The following ERBB4 variants were observed in gnomAD, a reference collection of about 807,000 sequenced individuals.
The protein encoded by ERBB4 is receptor tyrosine-protein kinase erbB-4.
In ERBB4, 42 loss-of-function variants were observed where a neutral mutation model predicts 158.0. That is an observed-to-expected ratio of 0.27 (90% confidence interval 0.21 to 0.34). The LOEUF (loss-of-function observed/expected upper bound fraction) is 0.34, where lower values mean the gene tolerates loss of function less well. Among genes scored for constraint, ERBB4 ranks in the 10% least tolerant of loss-of-function variants. The pLI, the probability that ERBB4 is intolerant of heterozygous loss-of-function variation, is 1.00. For synonymous variants in ERBB4, 583 were observed against 558.7 expected (o/e 1.04, Z -0.61); for missense variants, 1,333 against 1,624.1 (o/e 0.82, Z 3.08).
intron 1 of ERBB4, among the ~76,000 whole-genome samples, chr2:212,276,784 G>A (rs1393601622): frequency 6.6e-6 from 1 of 151,666 alleles, no homozygotes; most frequent in Non-Finnish European, 1.5e-5. Flanking sequence ...AGGCACTTTA[G>A]CCCTAAATTT....
intron 3 of ERBB4, among the ~76,000 whole-genome samples, chr2:211,894,330 A>G (rs1452754306): frequency 6.7e-6 from 1 of 148,424 alleles, no homozygotes; most frequent in Non-Finnish European, 1.5e-5. Flanking sequence ...CAAACACGGC[A>G]TATTCTCACT....
chr2:212,018,766 T>G (rs1232818584), intron 2 of ERBB4, among the ~76,000 whole-genome samples: 1 of 152,186 alleles, frequency 6.6e-6, no homozygotes, highest in Admixed American at 6.6e-5. Flanking sequence ...ATTTTCCTCC[T>G]GATTTTCAGT....
chr2:212,396,954 ATTG>A (rs2091045666), intron 1 of ERBB4, among the ~76,000 whole-genome samples: 2 of 152,136 alleles, frequency 1.3e-5, no homozygotes, highest in South Asian at 4.1e-4. Context: ...GTATAATCTG[ATTG>A]TTTTCAAAGA....
chr2:211,392,056 A>G (rs2062809535), intron 25 of ERBB4, among the ~76,000 whole-genome samples: 1 of 152,152 alleles, frequency 6.6e-6, no homozygotes. Context: ...GACGTTGCTA[A>G]TCCATCAGCA....
At chr2:212,181,519 TTAC>T (rs2081863602) in intron 1 of ERBB4, among the ~76,000 whole-genome samples, 1 of 151,708 alleles carries the variant, frequency 6.6e-6, no homozygotes. Context: ...ACAACACATA[TTAC>T]TAATAATCAT....
chr2:211,456,639 T>C (rs1290690179), intron 20 of ERBB4, among the ~76,000 whole-genome samples: 2 of 152,162 alleles, frequency 1.3e-5, no homozygotes, highest in African/African-American at 4.8e-5. Context: ...CCCAACATTT[T>C]AGGATCCAGG....
chr2:212,009,731 C>T (rs2076339754), intron 2 of ERBB4, among the ~76,000 whole-genome samples: 1 of 152,118 alleles, frequency 6.6e-6, no homozygotes, highest in Non-Finnish European at 1.5e-5. Context: ...TCATTCCTCC[C>T]AATCTTTCAT....
intron 1 of ERBB4, among the ~76,000 whole-genome samples, chr2:212,378,486 A>G (rs2106405265): frequency 6.6e-6 from 1 of 151,996 alleles, no homozygotes; most frequent in African/African-American, 2.4e-5. Flanking sequence ...ATAGTCTTCC[A>G]TTGGCCTTTT....
chr2:211,705,756 A>C (rs891919160), intron 9 of ERBB4, among the ~76,000 whole-genome samples: 1 of 152,228 alleles, frequency 6.6e-6, no homozygotes, highest in African/African-American at 2.4e-5. Context: ...AATACATTAT[A>C]TTATAGTGAG....
At chr2:211,811,192 C>T (rs553014283) in intron 3 of ERBB4, among the ~76,000 whole-genome samples, 1 of 152,210 alleles carries the variant, frequency 6.6e-6, no homozygotes, top group Admixed American at 6.5e-5. Context: ...TTCAGGAGCT[C>T]TTGTAAGACA....
At chr2:211,447,443 G>A (rs533898610) in intron 20 of ERBB4, among the ~76,000 whole-genome samples, 9 of 152,040 alleles carry the variant, frequency 5.9e-5, no homozygotes, top group South Asian at 2.1e-4. Flanking sequence ...ACAATCTTAC[G>A]CAAAGATATG....
intron 17 of ERBB4, among the ~76,000 whole-genome samples, chr2:211,626,219 G>A (rs968363632): frequency 6.6e-6 from 1 of 152,300 alleles, no homozygotes; most frequent in East Asian, 1.9e-4. Flanking sequence ...TTCAAGGGAT[G>A]AGATCATGTC....
At chr2:212,376,139 C>A (rs1192337757) in intron 1 of ERBB4, among the ~76,000 whole-genome samples, 1 of 152,082 alleles carries the variant, frequency 6.6e-6, no homozygotes, top group Non-Finnish European at 1.5e-5. Context: ...TAAAGTGGAG[C>A]AACTTTCCAC....
chr2:212,419,075 TCTTA>T (rs112757064), intron 1 of ERBB4, among the ~76,000 whole-genome samples: 3,595 of 151,834 alleles, frequency 0.024, 101 homozygotes, highest in South Asian at 0.051. Flanking sequence ...TTTGCTAACT[TCTTA>T]CTATGTATAC....
At chr2:212,166,961 A>C (rs1044844625) in intron 1 of ERBB4, among the ~76,000 whole-genome samples, 6 of 152,206 alleles carry the variant, frequency 3.9e-5, no homozygotes, top group Non-Finnish European at 7.3e-5. Flanking sequence ...TTGAAGACTT[A>C]AATGTAAAAC....
At chr2:211,666,017 A>G (rs1490214497) in intron 14 of ERBB4, among the ~76,000 whole-genome samples, 1 of 152,220 alleles carries the variant, frequency 6.6e-6, no homozygotes, top group Non-Finnish European at 1.5e-5. Context: ...ATTTCATATA[A>G]GAGTAGGATG....
intron 1 of ERBB4, among the ~76,000 whole-genome samples, chr2:212,190,550 A>AAGAAG (rs1553587260): frequency 3.1e-4 from 46 of 146,918 alleles, no homozygotes; most frequent in Non-Finnish European, 5.5e-4. Context: ...AAAAAAAAAA[A>AAGAAG]AAGAAGAAGA....
At position 211,773,639 on chromosome 2, in the gene ERBB4, TATATATATA is replaced by T. The variant is rs1559506445; in HGVS notation, c.556+14377_556+14385del. ...ATATATATATATATATATATATATATATATATATAATATATATACACACACACACACTTC... is the reference window on the plus strand; with the variant it reads ...ATATATATATATATATATATATATATATATATATACACACACACACACTTC... On this transcript the variant is annotated intron_variant, in intron 4 of 27. Transcript: ENST00000342788. Among the ~76,000 whole-genome samples, 755 of 86,824 alleles carry T rather than the reference TATATATATA, an allele frequency of 8.7e-3. 21 individuals carry two copies. Among genetic ancestry groups the T allele is most frequent in the East Asian group, 0.025 (47 of 1,888 alleles). 57.0% of individuals were successfully genotyped at this position (86,824 alleles called of 152,430 possible).
chr2:212,365,745 T>C (rs1363936235), intron 1 of ERBB4, among the ~76,000 whole-genome samples: 1 of 151,892 alleles, frequency 6.6e-6, no homozygotes, highest in Non-Finnish European at 1.5e-5. Flanking sequence ...TATTTGTTCA[T>C]CTACAAATCA....
Sources: allele counts gnomAD v4.1 joint callset (sites outside exome capture counted in the v4.1 genomes callset), GRCh38; gene constraint gnomAD v4.1.1; transcripts MANE v1.5; gene names NCBI Gene and HGNC (gene_info 2026-07-23, HGNC 2026-07-21).